Variants in PLCZ1 observed in about 807,000 individuals in gnomAD.
The protein encoded by PLCZ1 is 1-phosphatidylinositol 4,5-bisphosphate phosphodiesterase zeta-1.
In PLCZ1, 64 loss-of-function variants were observed where a neutral mutation model predicts 76.8. The ratio of observed to expected loss-of-function variants is 0.83; its 90% CI spans 0.68 to 1.03. The LOEUF is 1.03. PLCZ1 is among the 50% of genes least tolerant of loss of function. The probability of loss-of-function intolerance (pLI) is 0.00; values close to 1 mark genes in which losing one functional copy is unlikely to be tolerated. For synonymous variants in PLCZ1, 248 were observed against 230.8 expected (o/e 1.07, Z -0.68); for missense variants, 751 against 713.7 (o/e 1.05, Z -0.60).
intron 12 of PLCZ1, among the ~76,000 whole-genome samples, chr12:18,692,009 C>G (rs574961594): frequency 6.6e-6 from 1 of 152,200 alleles, no homozygotes; most frequent in African/African-American, 2.4e-5. Flanking sequence ...TGGAGTGTAG[C>G]TTCCCAAATC....
chr12:18,709,967 C>A (rs1187832260), intron 6 of PLCZ1, among the ~76,000 whole-genome samples: 2 of 151,580 alleles, frequency 1.3e-5, no homozygotes, highest in Admixed American at 6.6e-5. Flanking sequence ...TCACTATTTG[C>A]GTATAAAAAT....
At position 18,719,570 on chromosome 12, in the gene PLCZ1, G is replaced by C; in HGVS notation, c.430C>G (p.Leu144Val). 2 of 1,604,980 alleles carry C rather than the reference G, an allele frequency of 1.2e-6. No individual in the cohort carries two copies. Among genetic ancestry groups the C allele is most frequent in the Non-Finnish European group, 1.7e-6 (2 of 1,174,972 alleles). ...TTTCTACATTCATTTTTAAACAGTAGACATTCACGTGAATCCATGTATCTT... is the reference window on the plus strand; with the variant it reads ...TTTCTACATTCATTTTTAAACAGTACACATTCACGTGAATCCATGTATCTT... ...FTRYMDSREC[L>V]LFKNECRKVY... The change falls in exon 5 of 15, where the codon CTA becomes GTA. Residue 144 changes from leucine (L) to valine (V), a missense_variant. Coordinates refer to ENST00000266505, the MANE Select transcript of PLCZ1 (RefSeq NM_033123.4).
At chr12:18,647,766 C>T in the PLCZ1 span, 1 of 500,832 alleles carries the variant, frequency 2.0e-6, no homozygotes, top group Non-Finnish European at 3.3e-6. Flanking sequence ...CCTATCTATT[C>T]CAGGGTATAA....
At chr12:18,650,427 GA>G in the PLCZ1 span, among the ~76,000 whole-genome samples, 2 of 141,902 alleles carry the variant, frequency 1.4e-5, no homozygotes, top group Non-Finnish European at 1.5e-5. Context: ...AATTACATAG[GA>G]ATTTTTTTAA....
rs900834403 is a variant in PLCZ1 at position 18,731,719 on chromosome 12, T to A, written c.135+4502A>T. 3.9e-5 allele frequency among the ~76,000 whole-genome samples: 6 copies of A among 152,066 alleles called. 1 individual carries two copies. The highest frequency in any genetic ancestry group is 3.3e-4 in the Admixed American group (5 of 15,270). On this transcript the variant is annotated intron_variant, in intron 3 of 14. Coordinates refer to ENST00000266505, the MANE Select transcript of PLCZ1 (RefSeq NM_033123.4). ...TACTCACTTTCAAAAAACAAAATCA[T>A]ACGCAGGATTTTAAGGTTCCTATTG...
intron 3 of PLCZ1, among the ~76,000 whole-genome samples, chr12:18,731,905 T>C (rs1959068563): frequency 1.3e-5 from 2 of 152,158 alleles, no homozygotes. Flanking sequence ...CTACTAGTTA[T>C]TCTTCAAACA....
At chr12:18,650,325 C>A in the PLCZ1 span, among the ~76,000 whole-genome samples, 11,375 of 72,644 alleles carry the variant, frequency 0.16, 736 homozygotes, top group Non-Finnish European at 0.18. Flanking sequence ...CTCTCTCTCT[C>A]TCTCTCTATA....
At chr12:18,689,552 C>T (rs555133573) in intron 12 of PLCZ1, among the ~76,000 whole-genome samples, 1 of 152,126 alleles carries the variant, frequency 6.6e-6, no homozygotes, top group Admixed American at 6.6e-5. Context: ...ATATTGGACA[C>T]CCCTGGTTTA....
intron 5 of PLCZ1, among the ~76,000 whole-genome samples, chr12:18,716,516 T>G (rs1052313381): frequency 1.3e-5 from 2 of 152,192 alleles, no homozygotes; most frequent in Non-Finnish European, 2.9e-5. Context: ...CTATTTAACT[T>G]TGAGCCTTTT....
chr12:18,689,287 A>T (rs1455564861), intron 12 of PLCZ1, among the ~76,000 whole-genome samples: 1 of 152,180 alleles, frequency 6.6e-6, no homozygotes, highest in Admixed American at 6.5e-5. Context: ...AGAAAAAAAA[A>T]ATTATCTAAT....
At chr12:18,680,039 C>A (rs1952271123), downstream of PLCZ1, among the ~76,000 whole-genome samples, 1 of 151,922 alleles carries the variant, frequency 6.6e-6, no homozygotes. Flanking sequence ...TAGAATGCAT[C>A]ATAAGAACCC....
intron 3 of PLCZ1, among the ~76,000 whole-genome samples, chr12:18,725,522 T>C (rs1054061561): frequency 1.1e-4 from 17 of 152,076 alleles, no homozygotes; most frequent in African/African-American, 3.9e-4. Flanking sequence ...ATTAACAGTA[T>C]ATATGCAGAA....
At chr12:18,736,419 A>G in intron 2 of PLCZ1, 75 bp from the exon 3 acceptor site, 1 of 1,432,676 alleles carries the variant, frequency 7.0e-7, no homozygotes, top group Non-Finnish European at 9.5e-7. Flanking sequence ...GAAACATTTG[A>G]TTTACTGTAT....
intron 3 of PLCZ1, among the ~76,000 whole-genome samples, chr12:18,727,846 T>C (rs960920582): frequency 1.3e-5 from 2 of 152,138 alleles, no homozygotes; most frequent in African/African-American, 4.8e-5. Flanking sequence ...ATGAGTCAAC[T>C]TGGGACTTGT....
At chr12:18,696,871 CT>C (rs1955134171) in intron 10 of PLCZ1, among the ~76,000 whole-genome samples, 1 of 152,100 alleles carries the variant, frequency 6.6e-6, no homozygotes, top group African/African-American at 2.4e-5. Context: ...ACTTTCAATG[CT>C]TTTAATTATT....
At chr12:18,689,350 G>A (rs1953706383) in intron 12 of PLCZ1, among the ~76,000 whole-genome samples, 1 of 152,176 alleles carries the variant, frequency 6.6e-6, no homozygotes, top group African/African-American at 2.4e-5. Flanking sequence ...GGGCAAGCTT[G>A]TCCAACCTGC....
intron 3 of PLCZ1, among the ~76,000 whole-genome samples, chr12:18,734,328 G>A (rs76957159): frequency 0.039 from 5,968 of 152,182 alleles, 174 homozygotes; most frequent in Non-Finnish European, 0.057. Flanking sequence ...GAATTTAATA[G>A]TTCTAGTAGT....
At chr12:18,686,037 C>T (rs1399092364) in intron 13 of PLCZ1, among the ~76,000 whole-genome samples, 1 of 152,010 alleles carries the variant, frequency 6.6e-6, no homozygotes, top group Non-Finnish European at 1.5e-5. Context: ...TCCTTTTCCT[C>T]CCAGACTCTC....
At chr12:18,689,343 C>T (rs1029820556) in intron 12 of PLCZ1, among the ~76,000 whole-genome samples, 7 of 152,168 alleles carry the variant, frequency 4.6e-5, no homozygotes, top group African/African-American at 1.7e-4. Flanking sequence ...GAATTTAGGG[C>T]AAGCTTGTCC....
Sources: gnomAD v4.1 joint callset for allele counts (sites outside exome capture counted in the v4.1 genomes callset) on GRCh38, gnomAD v4.1.1 for gene constraint, MANE v1.5 for transcripts, NCBI Gene and HGNC (gene_info 2026-07-23, HGNC 2026-07-21) for gene names.